STARD13: variants seen among roughly 807,000 people sequenced by gnomAD.
STARD13 encodes StAR related lipid transfer domain containing 13.
Under a neutral mutation model 106.4 loss-of-function variants are expected in STARD13, and 62 were observed. That is an observed-to-expected ratio of 0.58 (90% confidence interval 0.48 to 0.72). The LOEUF (loss-of-function observed/expected upper bound fraction) is 0.72, where lower values mean the gene tolerates loss of function less well. Among genes scored for constraint, STARD13 ranks in the 30% least tolerant of loss-of-function variants. The probability of loss-of-function intolerance (pLI) is 0.00; values close to 1 mark genes in which losing one functional copy is unlikely to be tolerated. For synonymous variants in STARD13, 565 were observed against 553.0 expected (o/e 1.02, Z -0.31); for missense variants, 1,387 against 1,424.0 (o/e 0.97, Z 0.42).
At chr13:33,150,313 G>T (rs1881106148) in intron 3 of STARD13, among the ~76,000 whole-genome samples, 1 of 152,158 alleles carries the variant, frequency 6.6e-6, no homozygotes, top group Admixed American at 6.5e-5. Context: ...CCTAGTACAG[G>T]CCCTGGCTCA....
chr13:33,129,073 T>C lies in STARD13; in HGVS notation c.1604A>G (p.Asp535Gly), dbSNP rs970731975. ...TFPSPNQITL[D>G]FEGNSVSEGR... Reference sequence around the variant, plus strand: ...TTCTGAGACAGAGTTACCTTCAAAATCTAAGGTGATCTGATTAGGAGATGG... The same window carrying C: ...TTCTGAGACAGAGTTACCTTCAAAACCTAAGGTGATCTGATTAGGAGATGG... Residue 535 changes from aspartate (D) to glycine (G), a missense_variant, in exon 5 of 14, where the codon GAT becomes GGT. Physicochemically the swap from Asp to Gly is moderately conservative, Grantham distance 94 (BLOSUM62 -1). Coordinates refer to ENST00000336934, the MANE Select transcript of STARD13 (RefSeq NM_178006.4). The C allele has an allele frequency of 6.8e-6, 11 of 1,613,922 alleles. No individual in the cohort carries two copies. Among genetic ancestry groups the C allele is most frequent in the Non-Finnish European group, 9.3e-6 (11 of 1,180,014 alleles).
chr13:33,542,565 C>A, the STARD13 span, among the ~76,000 whole-genome samples: 2 of 152,262 alleles, frequency 1.3e-5, no homozygotes, highest in South Asian at 2.1e-4. Context: ...CCCCGCCCCT[C>A]GCCCTCCCAC....
intron 1 of STARD13, among the ~76,000 whole-genome samples, chr13:33,189,962 G>A (rs533461339): frequency 9.5e-4 from 145 of 151,906 alleles, no homozygotes; most frequent in Non-Finnish European, 2.6e-4. Flanking sequence ...CTAGATTTAT[G>A]TTATTTTAAA....
intron 4 of STARD13, among the ~76,000 whole-genome samples, chr13:33,133,375 A>G (rs916894775): frequency 6.6e-6 from 1 of 152,180 alleles, no homozygotes; most frequent in African/African-American, 2.4e-5. Context: ...AAAAAGGAAA[A>G]CAGCTCAGGG....
At chr13:33,415,264 T>A in the STARD13 span, among the ~76,000 whole-genome samples, 2 of 151,948 alleles carry the variant, frequency 1.3e-5, no homozygotes, top group Non-Finnish European at 1.5e-5. Context: ...GCTACTCAGG[T>A]GGCTGAGGCA....
chr13:33,528,054 G>A, the STARD13 span, among the ~76,000 whole-genome samples: 11 of 150,342 alleles, frequency 7.3e-5, no homozygotes, highest in African/African-American at 2.7e-4. Flanking sequence ...TATTCTTCAG[G>A]TAGTAGATTT....
chr13:33,578,445 T>G, the STARD13 span, among the ~76,000 whole-genome samples: 1 of 152,042 alleles, frequency 6.6e-6, no homozygotes, highest in Non-Finnish European at 1.5e-5. Flanking sequence ...GATAGCCACA[T>G]GTAGAAGAAT....
the STARD13 span, among the ~76,000 whole-genome samples, chr13:33,666,865 T>TGCCCCAAAC: frequency 6.6e-6 from 1 of 152,196 alleles, no homozygotes; most frequent in African/African-American, 2.4e-5. Flanking sequence ...GTGCTGGGAT[T>TGCCCCAAAC]ACAGGCGGGA....
At chr13:33,278,637 C>T (rs1891584534) in intron 1 of STARD13, 1 of 152,098 alleles carries the variant, frequency 6.6e-6, no homozygotes, top group Non-Finnish European at 1.5e-5. Context: ...AGAAAATTCT[C>T]CCAAAGAGCA....
At chr13:33,330,323 C>T (rs1005814013) in intron 1 of STARD13, among the ~76,000 whole-genome samples, 21 of 152,138 alleles carry the variant, frequency 1.4e-4, no homozygotes, top group Non-Finnish European at 2.4e-4. Context: ...ATGGTTTTGA[C>T]CTGCATTTAC....
rs538334636 is a variant in STARD13, at chr13:33,276,008, G to C, written c.169+9462C>G. 11 of 152,306 alleles carry C rather than the reference G, an allele frequency of 7.2e-5. No individual in the cohort carries two copies. The South Asian group carries it at 2.1e-3, about 29-fold the overall frequency. 9.4% of individuals were successfully genotyped at this position (152,306 alleles called of 1,614,324 possible). A position where few individuals can be genotyped will look rare whatever the true frequency, so the allele number is the denominator to read the frequency against. ...CACAGTCAGTGGAATTCCTTCGCAGGCTTCTTCAAGATATTCTGCAAGACT... is the reference window on the plus strand; with the variant it reads ...CACAGTCAGTGGAATTCCTTCGCAGCCTTCTTCAAGATATTCTGCAAGACT... On this transcript the variant is annotated intron_variant, in intron 1 of 13. Transcript: ENST00000336934.
intron 1 of STARD13, among the ~76,000 whole-genome samples, chr13:33,278,021 G>C (rs1259043446): frequency 6.6e-6 from 1 of 152,160 alleles, no homozygotes; most frequent in African/African-American, 2.4e-5. Context: ...TATGCAAGAA[G>C]TATATTCAGA....
chr13:33,387,751 A>G, the STARD13 span, among the ~76,000 whole-genome samples: 2 of 152,056 alleles, frequency 1.3e-5, no homozygotes, highest in South Asian at 4.1e-4. Flanking sequence ...CCACCTAGCA[A>G]CCTCCATTTA....
chr13:33,291,271 G>C (rs950317098), intron 1 of STARD13, among the ~76,000 whole-genome samples: 2 of 152,214 alleles, frequency 1.3e-5, no homozygotes, highest in Non-Finnish European at 2.9e-5. Flanking sequence ...TCCACAAGCT[G>C]TCCTTCAGAT....
intron 1 of STARD13, among the ~76,000 whole-genome samples, chr13:33,271,931 G>A (rs537848148): frequency 1.2e-4 from 18 of 152,262 alleles, no homozygotes; most frequent in East Asian, 1.9e-4. Flanking sequence ...CTCCCAGATC[G>A]TCCAGACTTG....
the STARD13 span, among the ~76,000 whole-genome samples, chr13:33,567,500 A>G: frequency 2.7e-5 from 4 of 148,418 alleles, no homozygotes; most frequent in African/African-American, 9.9e-5. Flanking sequence ...AAACGTACAC[A>G]TTTATAATGG....
chr13:33,296,032 C>T (rs1347399430), intron 1 of STARD13, among the ~76,000 whole-genome samples: 1 of 151,532 alleles, frequency 6.6e-6, no homozygotes, highest in Non-Finnish European at 1.5e-5. Flanking sequence ...ACCAGCCTGG[C>T]CAACATGGCG....
intron 1 of STARD13, among the ~76,000 whole-genome samples, chr13:33,308,463 T>C (rs1322760898): frequency 6.6e-6 from 1 of 151,814 alleles, no homozygotes; most frequent in Non-Finnish European, 1.5e-5. Flanking sequence ...ATTACTTGTT[T>C]ATTTTATTTT....
the STARD13 span, among the ~76,000 whole-genome samples, chr13:33,371,810 A>G: frequency 2.0e-5 from 3 of 152,202 alleles, no homozygotes; most frequent in African/African-American, 4.8e-5. Context: ...TCATTTTTCA[A>G]TTCAAGGTTT....
Sources: allele counts gnomAD v4.1 joint callset (sites outside exome capture counted in the v4.1 genomes callset), GRCh38; gene constraint gnomAD v4.1.1; transcripts MANE v1.5; gene names NCBI Gene and HGNC (gene_info 2026-07-23, HGNC 2026-07-21).